Variants in LRRFIP1 observed in about 807,000 individuals in gnomAD.
LRRFIP1 encodes leucine-rich repeat flightless-interacting protein 1.
In LRRFIP1, 62 loss-of-function variants were observed where a neutral mutation model predicts 104.4. That is an observed-to-expected ratio of 0.59 (90% CI 0.48 to 0.73). LRRFIP1 has a LOEUF of 0.73. Among genes scored for constraint, LRRFIP1 ranks in the 30% least tolerant of loss-of-function variants. The pLI, the probability that LRRFIP1 is intolerant of heterozygous loss-of-function variation, is 0.00. For synonymous variants in LRRFIP1, 300 were observed against 299.0 expected, an observed-to-expected ratio of 1.00 and a Z score of -0.03; for missense variants, 796 against 824.5, an observed-to-expected ratio of 0.97 and a Z score of 0.42.
intron 1 of LRRFIP1, among the ~76,000 whole-genome samples, chr2:237,676,432 G>A (rs1230461282): frequency 6.6e-6 from 1 of 152,190 alleles, no homozygotes; most frequent in East Asian, 1.9e-4. Flanking sequence ...GTGGGGACAT[G>A]ACAGCTTTCC....
At chr2:237,764,520 C>A in intron 19 of LRRFIP1, 1 of 1,079,326 alleles carries the variant, frequency 9.3e-7, no homozygotes, top group Non-Finnish European at 1.1e-6. Flanking sequence ...GACCAAATAG[C>A]ATTCTTAGAC....
At position 237,705,260 on chromosome 2, in the gene LRRFIP1, C is replaced by G. The variant is rs1011601084; in HGVS notation, c.97-3284C>G. On this transcript the variant is annotated intron_variant, in intron 1 of 23. Transcript: ENST00000308482. ...ACTCGCCCTGTGAGAGCAGGAGTCA[C>G]CTCAGACCTCCTCTCCTTCTGTTAT... Among the ~76,000 whole-genome samples the G allele has an allele frequency of 5.3e-4, 80 of 152,240 alleles. 1 individual carries two copies. The highest frequency in any genetic ancestry group is 5.2e-3 in the Admixed American group (80 of 15,290).
At chr2:237,648,031 A>G (rs1163513001) in intron 1 of LRRFIP1, among the ~76,000 whole-genome samples, 1 of 152,066 alleles carries the variant, frequency 6.6e-6, no homozygotes, top group Non-Finnish European at 1.5e-5. Context: ...AGCTTCCGAC[A>G]GCAGTGGCCT....
intron 19 of LRRFIP1, chr2:237,765,879 T>C (rs2060224260): frequency 2.0e-6 from 2 of 984,550 alleles, no homozygotes; most frequent in East Asian, 1.1e-4. Context: ...AACGTGTTAT[T>C]ATGTAATTGA....
At chr2:237,704,169 T>TC (rs1553648036) in intron 1 of LRRFIP1, among the ~76,000 whole-genome samples, 7 of 147,362 alleles carry the variant, frequency 4.8e-5, no homozygotes, top group Non-Finnish European at 8.9e-5. Context: ...TTTTTTTTTT[T>TC]CAAGGCAGAG....
intron 1 of LRRFIP1, among the ~76,000 whole-genome samples, chr2:237,660,767 G>T (rs866524216): frequency 5.7e-4 from 87 of 152,340 alleles, no homozygotes; most frequent in African/African-American, 1.9e-3. Context: ...CTCTGAGCTA[G>T]ATTGTTTAGC....
chr2:237,732,370 C>T (rs1435489776), intron 8 of LRRFIP1, among the ~76,000 whole-genome samples: 2 of 152,222 alleles, frequency 1.3e-5, no homozygotes, highest in African/African-American at 4.8e-5. Context: ...CCGGTGGTGG[C>T]CTGGCTCCCA....
intron 2 of LRRFIP1, among the ~76,000 whole-genome samples, chr2:237,709,669 C>T (rs1236950363): frequency 2.6e-5 from 4 of 152,108 alleles, no homozygotes; most frequent in African/African-American, 9.7e-5. Context: ...GTCTAATGTG[C>T]TCATTGCCCT....
At chr2:237,634,297 G>A (rs139928508) in intron 1 of LRRFIP1, among the ~76,000 whole-genome samples, 24 of 152,304 alleles carry the variant, frequency 1.6e-4, no homozygotes, top group South Asian at 6.2e-4. Context: ...ATTGAAGGAC[G>A]GGACTTGGTG....
At position 237,749,233 on chromosome 2, in the gene LRRFIP1, C is replaced by T. The variant is rs200816124; in HGVS notation, c.704C>T (p.Thr235Met). 6.0e-5 allele frequency: 97 copies of T among 1,613,736 alleles called. No individual in the cohort carries two copies. Among genetic ancestry groups the T allele is most frequent in the Admixed American group, 2.5e-4 (15 of 59,988 alleles). The change falls in exon 13 of 24, where the codon ACG (threonine) becomes ATG (methionine). Residue 235 changes from threonine (T) to methionine (M), a missense_variant. Coordinates refer to ENST00000308482, the MANE Select transcript of LRRFIP1 (RefSeq NM_001137550.2). ...SRNMPGLSAA[T>M]LASLGGTSSR... is the part of the protein sequence containing the mutation. The stretch of plus-strand genomic sequence containing the variant: ...AACATGCCGGGCCTGTCTGCAGCCA[C>T]GCTGGCCTCTCTGGGTGGGACTTCC...
At chr2:237,629,249 A>G (rs2082003417) in intron 1 of LRRFIP1, among the ~76,000 whole-genome samples, 3 of 152,236 alleles carry the variant, frequency 2.0e-5, no homozygotes, top group Admixed American at 2.0e-4. Flanking sequence ...CTAAATATAG[A>G]CATTTGCTAA....
At chr2:237,708,477 C>A in intron 1 of LRRFIP1, 67 bp from the exon 2 acceptor site, 1 of 1,213,068 alleles carries the variant, frequency 8.2e-7, no homozygotes, top group Non-Finnish European at 1.1e-6. Context: ...CGCATCATCA[C>A]TGCTGACCCT....
intron 1 of LRRFIP1, among the ~76,000 whole-genome samples, chr2:237,667,718 T>C (rs1439995517): frequency 2.0e-5 from 3 of 152,316 alleles, no homozygotes; most frequent in South Asian, 4.1e-4. Flanking sequence ...CATTGACCGT[T>C]CCCTGTGTGT....
chr2:237,645,553 G>C (rs922109447), intron 1 of LRRFIP1, among the ~76,000 whole-genome samples: 1 of 151,974 alleles, frequency 6.6e-6, no homozygotes, highest in Non-Finnish European at 1.5e-5. Flanking sequence ...AGCTCTCTCT[G>C]TACTCCGGAC....
Position 237,760,074 on chromosome 2 carries a change from T to C in LRRFIP1, c.1328T>C (p.Ile443Thr). 1.2e-6 allele frequency: 2 copies of C among 1,613,708 alleles called. No homozygotes were observed. The highest frequency in any genetic ancestry group is 1.7e-6 in the Non-Finnish European group (2 of 1,179,642). The change falls in exon 19 of 24, where the codon ATA (isoleucine) becomes ACA (threonine). Residue 443 changes from isoleucine to threonine, a missense_variant. By Grantham distance (89) the Ile-to-Thr change is moderately conservative (BLOSUM62 -1). Coordinates refer to ENST00000308482, the MANE Select transcript of LRRFIP1 (RefSeq NM_001137550.2). ...TATTTTTGTTCCCAGAAACATGGAA[T>C]AATCCTAAATTCAGAAATAGCTACC... ...MLKEELKKHG[I>T]ILNSEIATNG...
chr2:237,696,140 T>C (rs775446119), intron 1 of LRRFIP1, among the ~76,000 whole-genome samples: 3 of 152,238 alleles, frequency 2.0e-5, no homozygotes, highest in Non-Finnish European at 4.4e-5. Flanking sequence ...ATAACTACTT[T>C]GTAGTAGAGA....
At chr2:237,734,273 C>CTT (rs71870330) in intron 9 of LRRFIP1, among the ~76,000 whole-genome samples, 6,073 of 89,938 alleles carry the variant, frequency 0.068, 592 homozygotes, top group African/African-American at 0.22. Context: ...TGTTAATAAC[C>CTT]TTTTTTTTTT....
rs2058272956 is a variant in LRRFIP1, at chr2:237,749,224, C to T, written c.695C>T (p.Ser232Phe). 2 of 1,613,714 alleles carry T rather than the reference C, an allele frequency of 1.2e-6. No individual in the cohort carries two copies. Among genetic ancestry groups the T allele is most frequent in the Non-Finnish European group, 1.7e-6 (2 of 1,179,978 alleles). Reference sequence around the variant, plus strand: ...GGGTCTCGTAACATGCCGGGCCTGTCTGCAGCCACGCTGGCCTCTCTGGGT... The same window carrying T: ...GGGTCTCGTAACATGCCGGGCCTGTTTGCAGCCACGCTGGCCTCTCTGGGT... ...EKGSRNMPGL[S>F]AATLASLGGT... Residue 232 changes from serine (S) to phenylalanine (F), a missense_variant, in exon 13 of 24, where the codon TCT becomes TTT. Ser to Phe is a radical substitution (Grantham distance 155). Transcript: ENST00000308482.
chr2:237,735,828 A>G lies in LRRFIP1; in HGVS notation c.555+495A>G, dbSNP rs764360088. 6.6e-6 allele frequency among the ~76,000 whole-genome samples: 1 copy of G among 152,224 alleles called. No individual in the cohort carries two copies. Among genetic ancestry groups the G allele is most frequent in the East Asian group, 1.9e-4 (1 of 5,200 alleles). ...AGGGTAAAGATGTAATAGGTGCACC[A>G]TAAACATTTGTGAATGAATGCGTGA... On this transcript the variant is annotated intron_variant, in intron 10 of 23. Transcript: ENST00000308482. The surrounding 1 kb of genome is among the most constrained non-coding windows in gnomAD (Gnocchi z 4.6).
Sources: allele counts gnomAD v4.1 joint callset (sites outside exome capture counted in the v4.1 genomes callset), GRCh38; gene constraint gnomAD v4.1.1; non-coding constraint Gnocchi (gnomAD v3.1); transcripts MANE v1.5; gene names NCBI Gene and HGNC (gene_info 2026-07-23, HGNC 2026-07-21).